YY1AP1: variants seen among roughly 807,000 people sequenced by gnomAD.
YY1AP1 encodes YY1-associated protein 1.
YY1AP1 carries 43 observed loss-of-function variants against 39.9 expected under a neutral mutation model. The ratio of observed to expected loss-of-function variants is 1.08; its 90% CI spans 0.84 to 1.39. The LOEUF (loss-of-function observed/expected upper bound fraction) is 1.39, where lower values mean the gene tolerates loss of function less well. Among genes scored for constraint, YY1AP1 ranks in the 40% most tolerant of loss-of-function variants. The pLI, the probability that YY1AP1 is intolerant of heterozygous loss-of-function variation, is 0.00. For missense variants in YY1AP1, 813 were observed against 900.7 expected (o/e 0.90, Z 1.25); for synonymous variants, 292 against 331.3 (o/e 0.88, Z 1.29).
intron 7 of YY1AP1, 66 bp downstream of exon 7, chr1:155,672,494 T>C (rs1650009917): frequency 1.2e-5 from 19 of 1,604,842 alleles, no homozygotes; most frequent in East Asian, 4.5e-5. Context: ...AAGTTATCTA[T>C]GGGATAAGAT....
chr1:155,683,991 T>C (rs932326025), intron 2 of YY1AP1, among the ~76,000 whole-genome samples: 1 of 152,174 alleles, frequency 6.6e-6, no homozygotes, highest in Non-Finnish European at 1.5e-5. Context: ...CTCACTCCTA[T>C]AATCCCAGCA....
At position 155,668,611 on chromosome 1, in the gene YY1AP1, T is replaced by C. The variant is rs372979642; in HGVS notation, c.879+16A>G. ...GTTGGTGAGGTGCCTGGATAGTGCA[T>C]GCAGGAAACACTCACTTTAATGATG... On this transcript the variant is annotated intron_variant, in intron 9 of 10. Transcript: ENST00000355499. 2 of 1,614,154 alleles carry C rather than the reference T, an allele frequency of 1.2e-6. No homozygotes were observed. Among genetic ancestry groups the C allele is most frequent in the Non-Finnish European group, 8.5e-7 (1 of 1,180,006 alleles).
rs1649430483 is a variant in YY1AP1 at position 155,668,755 on chromosome 1, G to A, written c.751C>T (p.His251Tyr). The A allele has an allele frequency of 6.2e-7, 1 of 1,614,044 alleles. No homozygotes were observed. The highest frequency in any genetic ancestry group is 8.5e-7 in the Non-Finnish European group (1 of 1,180,036). ...TTAAGAAACTCAGTCCCTTCAAAATGCTTCAGTCCTAAAGCTAACAAACTG... is the reference window on the plus strand; with the variant it reads ...TTAAGAAACTCAGTCCCTTCAAAATACTTCAGTCCTAAAGCTAACAAACTG... ...EDNLLALGLK[H>Y]FEGTEFLNPL... Residue 251 changes from histidine to tyrosine, a missense_variant, in exon 9 of 11, where the codon CAT (histidine) becomes TAT (tyrosine). By Grantham distance (83) the His-to-Tyr change is moderately conservative. Around this residue, in one of 3 missense-constraint regions of YY1AP1, gnomAD observed 586 missense variants for 647.4 expected, o/e 0.91. Transcript: ENST00000355499.
At chr1:155,686,006 C>A (rs1281098314) in intron 2 of YY1AP1, among the ~76,000 whole-genome samples, 1 of 149,020 alleles carries the variant, frequency 6.7e-6, no homozygotes, top group Non-Finnish European at 1.5e-5. Context: ...TAGACGGGAT[C>A]CTTACTACAT....
In YY1AP1 at chr1:155,675,088, C is replaced by T. The variant is rs1035635872; in HGVS notation, c.333G>A (p.Gln111=). 6.2e-7 allele frequency: 1 copy of T among 1,613,318 alleles called. No individual in the cohort carries two copies. Residue 111 remains glutamine, a synonymous_variant, in exon 6 of 11, where the codon CAG becomes CAA. Coordinates refer to ENST00000355499, the MANE Select transcript of YY1AP1 (RefSeq NM_139119.3). ...RLQQQMQQHV[Q]LLTQIHLLAT... is the part of the protein sequence containing the mutation. ...CAAGAAGGTGGATTTGTGTCAAGAG[C>T]TGAACATGCTGGGGAGAGAAAGAAA...
chr1:155,664,508 G>A (rs961520676), intron 9 of YY1AP1, among the ~76,000 whole-genome samples: 4 of 152,054 alleles, frequency 2.6e-5, no homozygotes, highest in African/African-American at 9.7e-5. Context: ...GCCAAGGTGG[G>A]CAGATCACTT....
chr1:155,661,212 A>G lies in YY1AP1; in HGVS notation c.996+95T>C, dbSNP rs759473896. 8.1e-6 allele frequency: 13 copies of G among 1,613,628 alleles called. No homozygotes were observed. In the South Asian group the frequency reaches 1.1e-4, roughly 14 times the overall value. On this transcript the variant is annotated intron_variant, in intron 10 of 10. Coordinates refer to ENST00000355499, the MANE Select transcript of YY1AP1 (RefSeq NM_139119.3). ...AGATTCCTGAAGTCCTAGTTCTACA[A>G]CTAAAGCATTAGACGATTAAGGAAG...
intron 4 of YY1AP1, among the ~76,000 whole-genome samples, chr1:155,678,472 T>C (rs954057554): frequency 3.3e-5 from 5 of 152,230 alleles, no homozygotes; most frequent in Non-Finnish European, 4.4e-5. Flanking sequence ...GATCCTATTA[T>C]ACGTTCCCAG....
intron 4 of YY1AP1, among the ~76,000 whole-genome samples, chr1:155,677,186 A>C (rs764683065): frequency 7.9e-5 from 12 of 152,164 alleles, no homozygotes; most frequent in Non-Finnish European, 1.3e-4. Context: ...TGCTTTCTTA[A>C]CAAGTCAAAG....
At chr1:155,677,927 T>C (rs1650955331) in intron 4 of YY1AP1, among the ~76,000 whole-genome samples, 1 of 152,248 alleles carries the variant, frequency 6.6e-6, no homozygotes, top group Non-Finnish European at 1.5e-5. Context: ...TATTGTGTTT[T>C]AAGATGTGCT....
At position 155,688,768 on chromosome 1, in the gene YY1AP1, A is replaced by C; in HGVS notation, c.-261T>G. 6.6e-7 allele frequency: 1 copy of C among 1,515,152 alleles called. No individual in the cohort carries two copies. Among genetic ancestry groups the C allele is most frequent in the Non-Finnish European group, 8.8e-7 (1 of 1,134,230 alleles). 93.9% of individuals were successfully genotyped at this position (1,515,152 alleles called of 1,614,324 possible). ...CAAAGCAGCCGCCGCCAGCACCCCC[A>C]CCCTACACTCCTCGCGCGTGCGCCT... On this transcript the variant is annotated 5_prime_UTR_variant, in exon 1 of 11. Coordinates refer to ENST00000355499, the MANE Select transcript of YY1AP1 (RefSeq NM_139119.3).
chr1:155,688,704 T>TC lies in YY1AP1; in HGVS notation c.-198dup. 7.3e-6 allele frequency: 11 copies of TC among 1,517,238 alleles called. No individual in the cohort carries two copies. Among genetic ancestry groups the TC allele is most frequent in the Non-Finnish European group, 8.8e-6 (10 of 1,139,990 alleles). The allele number at this position is 1,517,238 out of a possible 1,614,324, so 94.0% of individuals were successfully genotyped here. ...GCCTTCTCCACCTCCTCTTCTCTCC[T>TC]CCCCCTCCCTCCCCGCCCGCACGGC... is the stretch of plus-strand genomic sequence containing the variant. On this transcript the variant is annotated 5_prime_UTR_variant, in exon 1 of 11. Transcript: ENST00000355499.
intron 7 of YY1AP1, among the ~76,000 whole-genome samples, chr1:155,671,832 A>T (rs1203048230): frequency 1.3e-5 from 2 of 152,190 alleles, no homozygotes; most frequent in Admixed American, 1.3e-4. Flanking sequence ...TGTGTCTATG[A>T]TATAGTACAC....
At chr1:155,671,422 C>G (rs903620611) in intron 7 of YY1AP1, among the ~76,000 whole-genome samples, 3 of 150,700 alleles carry the variant, frequency 2.0e-5, no homozygotes, top group Admixed American at 6.6e-5. Flanking sequence ...CAGAGCGAGA[C>G]TCCATCTTAA....
rs754625529 is a variant in YY1AP1, at chr1:155,676,539, A to G, written c.324+9T>C. 1 of 1,613,996 alleles carries G rather than the reference A, an allele frequency of 6.2e-7. No individual in the cohort carries two copies. The highest frequency in any genetic ancestry group is 8.5e-7 in the Non-Finnish European group (1 of 1,179,934). ...AATTCAATATTAATATGACCAAGGA[A>G]AGTGTTACCTGCTGCATCTGCTGCT... On this transcript the variant is annotated intron_variant, in intron 5 of 10. Transcript: ENST00000355499.
At chr1:155,685,647 C>A (rs1465976179) in intron 2 of YY1AP1, among the ~76,000 whole-genome samples, 3 of 152,162 alleles carry the variant, frequency 2.0e-5, no homozygotes, top group Non-Finnish European at 4.4e-5. Context: ...TGGATCCTGT[C>A]AACATGTTCA....
At chr1:155,661,195 G>A (rs776388802) in intron 10 of YY1AP1, 112 bp downstream of exon 10, 3 of 1,610,412 alleles carry the variant, frequency 1.9e-6, no homozygotes, top group Admixed American at 1.7e-5. Flanking sequence ...GAAGATTCCT[G>A]AAGTCCTAGT....
rs188933051 is a variant in YY1AP1, at chr1:155,673,164, C to T, written c.412-433G>A. On this transcript the variant is annotated intron_variant, in intron 6 of 10. Transcript: ENST00000355499. ...CTGAGAAGCTGGGACTATAGGCATA[C>T]ACCTCCAAACCTAGCTGATTTTTGT... Among the ~76,000 whole-genome samples, 30 of 152,042 alleles carry T rather than the reference C, an allele frequency of 2.0e-4. 1 individual carries two copies. Among genetic ancestry groups the T allele is most frequent in the Admixed American group, 1.2e-3 (19 of 15,284 alleles).
chr1:155,676,686 A>C lies in YY1AP1; in HGVS notation c.186T>G (p.Phe62Leu). Reference protein sequence around the residue: ...NEQHQIAKELFEQLKMKKPSA... With the variant: ...NEQHQIAKELLEQLKMKKPSA... ...AAGGTTTCTTCATCTTCAGCTGTTC[A>C]AATAGTTCCTTCGCTATCTGATGTT... Residue 62 changes from phenylalanine to leucine, a missense_variant, in exon 5 of 11, where the codon TTT becomes TTG. By Grantham distance (22) the Phe-to-Leu change is conservative. Coordinates refer to ENST00000355499, the MANE Select transcript of YY1AP1 (RefSeq NM_139119.3). 6.2e-7 allele frequency: 1 copy of C among 1,614,144 alleles called. No homozygotes were observed. Among genetic ancestry groups the C allele is most frequent in the South Asian group, 1.1e-5 (1 of 91,082 alleles).
Sources: gnomAD v4.1 joint callset for allele counts (sites outside exome capture counted in the v4.1 genomes callset) on GRCh38, gnomAD v4.1.1 for gene constraint, gnomAD v4.1.1 regional missense constraint, MANE v1.5 for transcripts, NCBI Gene and HGNC (gene_info 2026-07-23, HGNC 2026-07-21) for gene names.